NUP133: variants seen among roughly 807,000 people sequenced by gnomAD.
The protein encoded by NUP133 is nucleoporin 133.
In NUP133, 66 loss-of-function variants were observed where a neutral mutation model predicts 146.2. That is an observed-to-expected ratio of 0.45 (90% CI 0.37 to 0.55). The LOEUF is 0.55. Among genes scored for constraint, NUP133 ranks in the 20% least tolerant of loss-of-function variants. The pLI is 0.00. For synonymous variants in NUP133, 521 were observed against 498.8 expected, an observed-to-expected ratio of 1.04 and a Z score of -0.59; for missense variants, 1,277 against 1,374.8, an observed-to-expected ratio of 0.93 and a Z score of 1.12.
intron 9 of NUP133, among the ~76,000 whole-genome samples, chr1:229,488,043 ACCAT>A (rs1661405651): frequency 6.6e-6 from 1 of 151,700 alleles, no homozygotes; most frequent in Non-Finnish European, 1.5e-5. Context: ...ATGGGGTTTC[ACCAT>A]GTTGGCCAGG....
intron 15 of NUP133, among the ~76,000 whole-genome samples, chr1:229,468,549 T>A (rs991631950): frequency 2.0e-5 from 3 of 152,210 alleles, no homozygotes; most frequent in African/African-American, 7.2e-5. Flanking sequence ...TTTTGCTGTA[T>A]CATATTCCTA....
chr1:229,464,972 C>T, intron 17 of NUP133, 97 bp from the exon 18 acceptor site: 1 of 1,409,414 alleles, frequency 7.1e-7, no homozygotes, highest in South Asian at 1.3e-5. Context: ...TTCATCACTG[C>T]TGGAAAATTA....
intron 24 of NUP133, 39 bp from the exon 25 acceptor site, chr1:229,445,041 C>T (rs1305651746): frequency 1.1e-5 from 14 of 1,319,372 alleles, no homozygotes; most frequent in African/African-American, 1.5e-5. Flanking sequence ...AATGAAATCA[C>T]TGATATAGCT....
Position 229,460,819 on chromosome 1 carries a change from A to C in NUP133, c.2686-50T>G, listed in dbSNP as rs1240719247. On this transcript the variant is annotated intron_variant, in intron 19 of 25. Transcript: ENST00000261396. ...CATTCATAATAGTTTAAAAAAACAC[A>C]TTTCTGATAACAAAACATAACTTTG... 4 of 1,495,994 alleles carry C rather than the reference A, an allele frequency of 2.7e-6. No individual in the cohort carries two copies. In the East Asian group the frequency reaches 6.9e-5, roughly 26 times the overall value. 92.7% of individuals were successfully genotyped at this position (1,495,994 alleles called of 1,614,324 possible). A position where few individuals can be genotyped will look rare whatever the true frequency, so the allele number is the denominator to read the frequency against.
chr1:229,487,346 G>A (rs970311282), intron 10 of NUP133, 120 bp downstream of exon 10: 168 of 990,888 alleles, frequency 1.7e-4, no homozygotes, highest in Non-Finnish European at 8.4e-5. Flanking sequence ...GTTGTGGTAT[G>A]AAATGTCTCA....
At position 229,502,050 on chromosome 1, in the gene NUP133, C is replaced by T. The variant is rs146199160; in HGVS notation, c.354G>A (p.Val118=). The T allele has an allele frequency of 1.0e-3, 1,680 of 1,614,022 alleles. 2 individuals are homozygous for T. The highest frequency in any genetic ancestry group is 1.7e-3 in the South Asian group (152 of 91,084). ...TCCAAATAATGAGCTTCTCTTTGCA[C>T]ACCAGACAAGCCCATCCACCTTCAT... ...NIDEGGWACL[V]CKEKLIIWKI... The change falls in exon 3 of 26, where the codon GTG becomes GTA. Residue 118 remains valine, a synonymous_variant. Coordinates refer to ENST00000261396, the MANE Select transcript of NUP133 (RefSeq NM_018230.3).
chr1:229,452,570 T>C lies in NUP133; in HGVS notation c.3054A>G (p.Leu1018=), dbSNP rs952809653. 6.2e-7 allele frequency: 1 copy of C among 1,614,058 alleles called. No individual in the cohort carries two copies. The highest frequency in any genetic ancestry group is 1.3e-5 in the African/African-American group (1 of 75,042). Residue 1018 remains leucine, a synonymous_variant, in exon 22 of 26, where the codon CTA becomes CTG. Transcript: ENST00000261396. ...TCAATACTGGCATCGCACTGAGATT[T>C]AGCTGTTTCTCCGCCAGCAGCTGTT... ...LPEQLLAEKQ[L]NLSAMPVLTA...
At chr1:229,455,996 A>G (rs915003048) in intron 21 of NUP133, among the ~76,000 whole-genome samples, 1 of 152,194 alleles carries the variant, frequency 6.6e-6, no homozygotes, top group Non-Finnish European at 1.5e-5. Flanking sequence ...CCTTTCATCT[A>G]AAACAGCCTG....
intron 6 of NUP133, among the ~76,000 whole-genome samples, chr1:229,497,084 C>T (rs1220025944): frequency 6.6e-6 from 1 of 152,128 alleles, no homozygotes; most frequent in Admixed American, 6.5e-5. Context: ...TGTGTTAAAA[C>T]GCATCACTGA....
At chr1:229,493,156 C>A (rs1456708806) in intron 8 of NUP133, among the ~76,000 whole-genome samples, 1 of 152,068 alleles carries the variant, frequency 6.6e-6, no homozygotes, top group Non-Finnish European at 1.5e-5. Context: ...TAGTAATCAT[C>A]TAGTAAAATA....
intron 22 of NUP133, 81 bp downstream of exon 22, chr1:229,452,444 G>A: frequency 1.0e-6 from 1 of 993,238 alleles, no homozygotes; most frequent in South Asian, 2.3e-5. Flanking sequence ...ACTCCTCTTA[G>A]GAACTATACT....
intron 20 of NUP133, 97 bp from the exon 21 acceptor site, chr1:229,458,393 C>T (rs1207122825): frequency 3.3e-6 from 4 of 1,206,830 alleles, no homozygotes; most frequent in South Asian, 1.6e-5. Context: ...TCCCCTAAGC[C>T]GTATCAATGA....
rs765675455 is a variant in NUP133, at chr1:229,508,192, G to A, written c.58C>T (p.Leu20=). The A allele has an allele frequency of 9.5e-6, 15 of 1,578,820 alleles. No homozygotes were observed. The South Asian group carries it at 1.7e-4, about 18-fold the overall frequency. The part of the protein sequence containing the change: ...TPGTGSRRGP[L]AGLGPGSTPR... ...GTGGAGCCGGGCCCGAGTCCGGCCAGCGGGCCCCTTCGGGACCCGGTACCC... is the reference window on the plus strand; with the variant it reads ...GTGGAGCCGGGCCCGAGTCCGGCCAACGGGCCCCTTCGGGACCCGGTACCC... The change falls in exon 1 of 26, where the codon CTG becomes TTG. Residue 20 remains leucine (L), a synonymous_variant. Coordinates refer to ENST00000261396, the MANE Select transcript of NUP133 (RefSeq NM_018230.3).
At position 229,460,748 on chromosome 1, in the gene NUP133, G is replaced by A. The variant is rs771782173; in HGVS notation, c.2707C>T (p.Arg903Cys). The A allele has an allele frequency of 3.1e-6, 5 of 1,610,818 alleles. No individual in the cohort carries two copies. Among genetic ancestry groups the A allele is most frequent in the East Asian group, 2.2e-5 (1 of 44,826 alleles). Residue 903 changes from arginine to cysteine, a missense_variant, in exon 20 of 26, where the codon CGT (arginine) becomes TGT (cysteine). Physicochemically the swap from Arg to Cys is radical, Grantham distance 180. Transcript: ENST00000261396. ...ADQNFSDFLF[R>C]WYLEKGKRGK... ...CGCTTTCCTTTCTCCAGATACCAAC[G>A]GAAGAGAAAGTCTGAAAAATTCTAC...
At chr1:229,450,353 G>A (rs915644967) in intron 23 of NUP133, among the ~76,000 whole-genome samples, 172 bp downstream of exon 23, 9 of 152,192 alleles carry the variant, frequency 5.9e-5, no homozygotes, top group Non-Finnish European at 1.2e-4. Context: ...GGAGTCTCTT[G>A]ACCTTGACAG....
chr1:229,500,948 T>C, intron 3 of NUP133, 85 bp from the exon 4 acceptor site: 1 of 775,824 alleles, frequency 1.3e-6, no homozygotes, highest in Non-Finnish European at 2.1e-6. Context: ...CTGCATATTT[T>C]AGATTCTGAC....
chr1:229,457,760 T>C (rs570880250), intron 21 of NUP133, among the ~76,000 whole-genome samples: 47 of 152,334 alleles, frequency 3.1e-4, no homozygotes, highest in East Asian at 1.2e-3. Flanking sequence ...AACTGTACTA[T>C]ATGTAATCGT....
intron 14 of NUP133, among the ~76,000 whole-genome samples, chr1:229,471,179 A>G (rs932375317): frequency 8.5e-5 from 13 of 152,080 alleles, no homozygotes; most frequent in Non-Finnish European, 1.9e-4. Context: ...GCAGTGGTAC[A>G]ATCACAATCA....
chr1:229,504,909 C>G (rs1004977513), intron 2 of NUP133, among the ~76,000 whole-genome samples: 1 of 152,168 alleles, frequency 6.6e-6, no homozygotes, highest in Admixed American at 6.5e-5. Flanking sequence ...CTTTGTGCAG[C>G]ATATCCATAC....
Sources: gnomAD v4.1 joint callset for allele counts (sites outside exome capture counted in the v4.1 genomes callset) on GRCh38, gnomAD v4.1.1 for gene constraint, MANE v1.5 for transcripts, NCBI Gene and HGNC (gene_info 2026-07-23, HGNC 2026-07-21) for gene names.